Variants in PKD1L1 observed in about 807,000 individuals in gnomAD.
PKD1L1 encodes the protein polycystin 1 like 1, transient receptor potential channel interacting.
A neutral mutation model predicts 323.4 loss-of-function variants in PKD1L1; 236 were observed. The ratio of observed to expected loss-of-function variants is 0.73; its 90% confidence interval spans 0.66 to 0.81. PKD1L1 has a LOEUF of 0.81. Ranked by LOEUF, PKD1L1 falls within the 40% of genes least tolerant of loss-of-function variation. The pLI, the probability that PKD1L1 is intolerant of heterozygous loss-of-function variation, is 0.00. For missense variants in PKD1L1, 3,320 were observed against 3,508.0 expected (o/e 0.95, Z 1.35); for synonymous variants, 1,344 against 1,335.0 (o/e 1.01, Z -0.15).
intron 43 of PKD1L1, among the ~76,000 whole-genome samples, 164 bp downstream of exon 43, chr7:47,829,876 A>G (rs560988355): frequency 1.3e-5 from 2 of 152,384 alleles, no homozygotes; most frequent in East Asian, 3.9e-4. Context: ...GAACAGGCCC[A>G]TGTGCAGCTT....
chr7:47,886,504 G>A (rs1315189708), intron 17 of PKD1L1, among the ~76,000 whole-genome samples: 2 of 152,284 alleles, frequency 1.3e-5, no homozygotes, highest in African/African-American at 2.4e-5. Flanking sequence ...GTTGGAGGGG[G>A]AGCCTGGTGG....
chr7:47,874,113 A>G, intron 23 of PKD1L1, 103 bp from the exon 24 acceptor site: 1 of 724,686 alleles, frequency 1.4e-6, no homozygotes, highest in South Asian at 1.9e-5. Context: ...AACTGTGACA[A>G]GTGCTGACAA....
At chr7:47,867,837 AT>A (rs1786199474) in intron 24 of PKD1L1, among the ~76,000 whole-genome samples, 1 of 152,212 alleles carries the variant, frequency 6.6e-6, no homozygotes, top group African/African-American at 2.4e-5. Flanking sequence ...AACAAAAGAA[AT>A]GTTCAAAAGT....
At chr7:47,888,842 A>AT (rs1398056258) in intron 16 of PKD1L1, among the ~76,000 whole-genome samples, 1 of 152,034 alleles carries the variant, frequency 6.6e-6, no homozygotes, top group Non-Finnish European at 1.5e-5. Flanking sequence ...GTTTTTCATA[A>AT]TATCTCGGGG....
intron 32 of PKD1L1, among the ~76,000 whole-genome samples, chr7:47,846,421 G>A (rs928463437): frequency 1.3e-5 from 2 of 152,200 alleles, no homozygotes; most frequent in Non-Finnish European, 2.9e-5. Context: ...ACCAGGCTGT[G>A]GAGGGTCCTC....
At chr7:47,900,850 T>A (rs1787070223) in intron 13 of PKD1L1, among the ~76,000 whole-genome samples, 1 of 152,232 alleles carries the variant, frequency 6.6e-6, no homozygotes, top group African/African-American at 2.4e-5. Context: ...ATTAAAATTA[T>A]GTAATCAAAA....
chr7:47,823,696 T>G (rs1292259852), intron 45 of PKD1L1, among the ~76,000 whole-genome samples: 1 of 151,944 alleles, frequency 6.6e-6, no homozygotes, highest in African/African-American at 2.4e-5. Flanking sequence ...AATGCCCAGA[T>G]TCATTACTTC....
chr7:47,904,305 A>G lies in PKD1L1; in HGVS notation c.1931+73T>C, dbSNP rs1363228704. 6 of 1,593,614 alleles carry G rather than the reference A, an allele frequency of 3.8e-6. No individual in the cohort carries two copies. The African/African-American group carries it at 6.7e-5, about 18-fold the overall frequency. On this transcript the variant is annotated intron_variant, in intron 12 of 56. Coordinates refer to ENST00000289672, the MANE Select transcript of PKD1L1 (RefSeq NM_138295.5). ...ACAGGCAGGTCTCTATGTGGAACCC[A>G]AGGGCTGATGCCTTAAGACTCTGAT...
intron 4 of PKD1L1, among the ~76,000 whole-genome samples, chr7:47,933,334 T>C (rs1241795108): frequency 2.0e-5 from 3 of 152,214 alleles, no homozygotes; most frequent in Admixed American, 6.5e-5. Context: ...ACAACTTCTG[T>C]AATTGCCCCC....
intron 17 of PKD1L1, among the ~76,000 whole-genome samples, chr7:47,886,935 C>T (rs1483697742): frequency 6.6e-6 from 1 of 152,046 alleles, no homozygotes; most frequent in African/African-American, 2.4e-5. Context: ...ATACCATGAG[C>T]ATATAAATGG....
intron 25 of PKD1L1, among the ~76,000 whole-genome samples, 155 bp from the exon 26 acceptor site, chr7:47,865,427 A>G (rs1212514178): frequency 1.3e-5 from 2 of 152,182 alleles, no homozygotes; most frequent in Admixed American, 1.3e-4. Context: ...TTCTGTACAG[A>G]GACCATTACT....
intron 1 of PKD1L1, among the ~76,000 whole-genome samples, chr7:47,945,543 T>C (rs1788076392): frequency 6.6e-6 from 1 of 152,202 alleles, no homozygotes; most frequent in African/African-American, 2.4e-5. Flanking sequence ...CTCTCAACTA[T>C]GCTTGTCTTC....
At chr7:47,834,255 A>G in intron 40 of PKD1L1, 84 bp downstream of exon 40, 1 of 1,398,258 alleles carries the variant, frequency 7.2e-7, no homozygotes, top group African/African-American at 1.4e-5. Context: ...TGGCCAGACC[A>G]TAGCCAAGGG....
chr7:47,929,097 C>T (rs1787709953), intron 7 of PKD1L1, 107 bp downstream of exon 7: 2 of 1,198,620 alleles, frequency 1.7e-6, no homozygotes, highest in African/African-American at 1.5e-5. Context: ...TTGGCTGAGT[C>T]CAGAGAAACG....
chr7:47,885,765 C>T lies in PKD1L1; in HGVS notation c.3126G>A (p.Gly1042=). Residue 1042 remains glycine (G), a synonymous_variant, in exon 18 of 57, where the codon GGG becomes GGA. Coordinates refer to ENST00000289672, the MANE Select transcript of PKD1L1 (RefSeq NM_138295.5). Reference sequence around the variant, plus strand: ...TCATCAGGGATCCCTTGCTCTGTGGCCCTGGCTCTAGGTCTAGTGAACCTT... The same window carrying T: ...TCATCAGGGATCCCTTGCTCTGTGGTCCTGGCTCTAGGTCTAGTGAACCTT... The part of the protein sequence containing the change: ...PEEGSLDLEP[G]PQSKGSLMTG... 1 of 1,614,168 alleles carries T rather than the reference C, an allele frequency of 6.2e-7. No individual in the cohort carries two copies. Among genetic ancestry groups the T allele is most frequent in the South Asian group, 1.1e-5 (1 of 91,082 alleles).
At chr7:47,841,012 C>T (rs567014202) in intron 34 of PKD1L1, among the ~76,000 whole-genome samples, 5 of 152,324 alleles carry the variant, frequency 3.3e-5, no homozygotes, top group East Asian at 3.9e-4. Flanking sequence ...CTGGGCTTGT[C>T]GTTCTCACTG....
At chr7:47,900,692 C>T (rs139880562) in intron 13 of PKD1L1, among the ~76,000 whole-genome samples, 4 of 152,176 alleles carry the variant, frequency 2.6e-5, no homozygotes, top group African/African-American at 7.2e-5. Flanking sequence ...CATGCCATTG[C>T]ACTTCAGCCT....
At chr7:47,903,502 G>A (rs1419481296) in intron 12 of PKD1L1, among the ~76,000 whole-genome samples, 1 of 152,170 alleles carries the variant, frequency 6.6e-6, no homozygotes, top group African/African-American at 2.4e-5. Flanking sequence ...CTTTCCTTAT[G>A]TGAAAATCTA....
intron 55 of PKD1L1, chr7:47,795,458 ACTT>A (rs1222168104): frequency 9.3e-6 from 4 of 428,040 alleles, no homozygotes; most frequent in Non-Finnish European, 1.9e-5. Flanking sequence ...GTCCAATTAA[ACTT>A]CTTTTTGTTC....
Sources: allele counts gnomAD v4.1 joint callset (sites outside exome capture counted in the v4.1 genomes callset), GRCh38; gene constraint gnomAD v4.1.1; transcripts MANE v1.5; gene names NCBI Gene and HGNC (gene_info 2026-07-23, HGNC 2026-07-21).